Variants in MAGI1 observed in about 807,000 individuals in gnomAD.
MAGI1 encodes the protein membrane associated guanylate kinase, WW and PDZ domain containing 1.
MAGI1 carries 58 observed loss-of-function variants against 139.9 expected under a neutral mutation model. That is an observed-to-expected ratio of 0.41 (90% confidence interval 0.34 to 0.52). MAGI1 has a LOEUF of 0.52. MAGI1 is among the 20% of genes least tolerant of loss of function. MAGI1 has a pLI of 0.12. For synonymous variants in MAGI1, 812 were observed against 737.9 expected (o/e 1.10, Z -1.63); for missense variants, 1,874 against 1,901.6 (o/e 0.99, Z 0.27).
intron 2 of MAGI1, among the ~76,000 whole-genome samples, chr3:65,588,054 G>T (rs1015151169): frequency 2.0e-5 from 3 of 152,000 alleles, no homozygotes; most frequent in Non-Finnish European, 4.4e-5. Flanking sequence ...CTCCTTTTCT[G>T]AACAGCCCCA....
chr3:65,373,089 C>G (rs560140590), intron 18 of MAGI1, among the ~76,000 whole-genome samples: 1 of 152,200 alleles, frequency 6.6e-6, no homozygotes, highest in Admixed American at 6.5e-5. Flanking sequence ...CATGAGGGAT[C>G]TAGCTTTTGG....
At chr3:66,007,816 G>A (rs2067107951) in intron 1 of MAGI1, among the ~76,000 whole-genome samples, 1 of 151,920 alleles carries the variant, frequency 6.6e-6, no homozygotes, top group African/African-American at 2.4e-5. Flanking sequence ...AGAAGAGAAG[G>A]AAAGATACTA....
chr3:65,925,978 A>G (rs1269522876), intron 1 of MAGI1, among the ~76,000 whole-genome samples: 3 of 152,154 alleles, frequency 2.0e-5, no homozygotes, highest in Non-Finnish European at 2.9e-5. Context: ...GCACCTGGCC[A>G]TATGTACTCA....
intron 1 of MAGI1, among the ~76,000 whole-genome samples, chr3:65,704,350 C>G (rs1353542871): frequency 1.3e-5 from 2 of 152,174 alleles, no homozygotes; most frequent in Non-Finnish European, 2.9e-5. Flanking sequence ...AGCACCAGCC[C>G]CAAGTGTCAA....
intron 1 of MAGI1, among the ~76,000 whole-genome samples, chr3:65,802,837 G>T (rs1000061413): frequency 1.5e-5 from 2 of 136,158 alleles, no homozygotes; most frequent in African/African-American, 5.4e-5. Flanking sequence ...CCACTCAAAA[G>T]ATCATCTCAT....
intron 1 of MAGI1, among the ~76,000 whole-genome samples, chr3:65,968,503 C>A (rs1296006648): frequency 1.3e-5 from 2 of 151,622 alleles, no homozygotes; most frequent in Non-Finnish European, 2.9e-5. Context: ...TAGCTGTAAA[C>A]GTGAAGTGGA....
At chr3:66,023,646 A>G (rs2068079165) in intron 1 of MAGI1, among the ~76,000 whole-genome samples, 1 of 152,244 alleles carries the variant, frequency 6.6e-6, no homozygotes, top group Non-Finnish European at 1.5e-5. Flanking sequence ...GGTAAAGGTT[A>G]GGGTCCCAAT....
chr3:65,638,123 T>C (rs2107213667), intron 1 of MAGI1, among the ~76,000 whole-genome samples: 1 of 152,300 alleles, frequency 6.6e-6, no homozygotes, highest in South Asian at 2.1e-4. Context: ...CTGTGTGTTC[T>C]TGGGCAACTT....
At chr3:65,885,703 T>G (rs1303120580) in intron 1 of MAGI1, among the ~76,000 whole-genome samples, 7 of 152,180 alleles carry the variant, frequency 4.6e-5, no homozygotes, top group Non-Finnish European at 8.8e-5. Context: ...CATGTAAGAC[T>G]TGACTTTGCT....
chr3:65,962,382 A>G (rs2064482777), intron 1 of MAGI1, among the ~76,000 whole-genome samples: 1 of 151,394 alleles, frequency 6.6e-6, no homozygotes, highest in African/African-American at 2.4e-5. Flanking sequence ...CGGCCTCCCA[A>G]AGTGCTAGGA....
At chr3:65,849,750 G>T (rs2059142227) in intron 1 of MAGI1, among the ~76,000 whole-genome samples, 1 of 151,934 alleles carries the variant, frequency 6.6e-6, no homozygotes, top group South Asian at 2.1e-4. Context: ...TCTACACAAT[G>T]GTTAGACTGT....
rs543363972 is a variant in MAGI1 at position 65,828,726 on chromosome 3, G to A, written c.314-206638C>T. On this transcript the variant is annotated intron_variant, in intron 1 of 22. Transcript: ENST00000402939. ...TTTTGCAATTTATGATAAAGGGTATGGACCTTGAGATACGGGGATTACTCT... is the reference window on the plus strand; with the variant it reads ...TTTTGCAATTTATGATAAAGGGTATAGACCTTGAGATACGGGGATTACTCT... Among the ~76,000 whole-genome samples, 7 of 152,314 alleles carry A rather than the reference G, an allele frequency of 4.6e-5. No individual in the cohort carries two copies. The East Asian group carries it at 1.4e-3, about 29-fold the overall frequency.
chr3:65,428,026 T>C (rs1947185000), intron 12 of MAGI1, among the ~76,000 whole-genome samples: 1 of 152,190 alleles, frequency 6.6e-6, no homozygotes, highest in Admixed American at 6.5e-5. Context: ...TATAACTGCC[T>C]AAGCCAGGCT....
At chr3:66,030,196 T>C (rs1022113470) in intron 1 of MAGI1, among the ~76,000 whole-genome samples, 3 of 152,206 alleles carry the variant, frequency 2.0e-5, no homozygotes, top group African/African-American at 7.2e-5. Context: ...CCTGGATCAA[T>C]CGGCTAAGCT....
intron 10 of MAGI1, among the ~76,000 whole-genome samples, chr3:65,436,541 A>G (rs1462418568): frequency 6.6e-6 from 1 of 152,202 alleles, no homozygotes; most frequent in Non-Finnish European, 1.5e-5. Context: ...CTGCAGCAAG[A>G]ATAGGGAATG....
intron 1 of MAGI1, among the ~76,000 whole-genome samples, chr3:65,801,359 T>G (rs1371267366): frequency 6.6e-6 from 1 of 152,164 alleles, no homozygotes; most frequent in Non-Finnish European, 1.5e-5. Context: ...AGCTTTGAAA[T>G]GGTCAAAGTA....
chr3:65,955,363 T>A (rs1274495591), intron 1 of MAGI1, among the ~76,000 whole-genome samples: 1 of 152,148 alleles, frequency 6.6e-6, no homozygotes, highest in African/African-American at 2.4e-5. Flanking sequence ...CGTAATTAAT[T>A]GCAAATGAAA....
intron 1 of MAGI1, among the ~76,000 whole-genome samples, chr3:66,023,262 G>A (rs1208498606): frequency 6.6e-6 from 1 of 152,152 alleles, no homozygotes; most frequent in Non-Finnish European, 1.5e-5. Context: ...GGGGACTAGA[G>A]AAGGAGAGAA....
chr3:65,403,440 CT>C (rs912756777), intron 12 of MAGI1, among the ~76,000 whole-genome samples: 7 of 152,056 alleles, frequency 4.6e-5, no homozygotes, highest in African/African-American at 9.6e-5. Context: ...CGATTAAGTG[CT>C]TTTTTTGGCT....
Sources: allele counts gnomAD v4.1 joint callset (sites outside exome capture counted in the v4.1 genomes callset), GRCh38; gene constraint gnomAD v4.1.1; transcripts MANE v1.5; gene names NCBI Gene and HGNC (gene_info 2026-07-23, HGNC 2026-07-21).